The following ALG14 variants were observed in gnomAD, a reference collection of about 807,000 sequenced individuals.
The protein encoded by ALG14 is ALG14 UDP-N-acetylglucosaminyltransferase subunit, also known as UDP-N-acetylglucosamine transferase subunit ALG14.
ALG14 carries 17 observed loss-of-function variants against 22.8 expected under a neutral mutation model. The ratio of observed to expected loss-of-function variants is 0.75; its 90% CI spans 0.51 to 1.12. ALG14 has a LOEUF of 1.12. Among genes scored for constraint, ALG14 ranks in the 50% most tolerant of loss-of-function variants. The pLI is 0.00. For missense variants in ALG14, 288 were observed against 271.8 expected (o/e 1.06, Z -0.42); for synonymous variants, 89 against 103.7 (o/e 0.86, Z 0.86).
chr1:94,994,062 A>C lies in ALG14; in HGVS notation c.421-10756T>G, dbSNP rs192129417. Among the ~76,000 whole-genome samples, 4 of 152,328 alleles carry C rather than the reference A, an allele frequency of 2.6e-5. No homozygotes were observed. The East Asian group carries it at 7.7e-4, about 29-fold the overall frequency. ...AACAAATACATAAATAAAGACCTAAACATTTTTTTGGTTGGAATGGTCAGG... is the reference window on the plus strand; with the variant it reads ...AACAAATACATAAATAAAGACCTAACCATTTTTTTGGTTGGAATGGTCAGG... On this transcript the variant is annotated intron_variant, in intron 3 of 3. Transcript: ENST00000370205.
chr1:94,983,390 AGAGGGGATCT>A, intron 3 of ALG14, 84 bp from the exon 4 acceptor site: 1 of 1,091,108 alleles, frequency 9.2e-7, no homozygotes, highest in Non-Finnish European at 1.3e-6. Context: ...GCCTGATTTC[AGAGGGGATCT>A]GCTTATGATT....
intron 2 of ALG14, among the ~76,000 whole-genome samples, chr1:95,052,959 A>G (rs1426636275): frequency 1.3e-5 from 2 of 152,170 alleles, no homozygotes; most frequent in Non-Finnish European, 2.9e-5. Flanking sequence ...TAACACAAAC[A>G]GAAAGCAGCC....
At chr1:95,050,153 G>A (rs1466577998) in intron 2 of ALG14, among the ~76,000 whole-genome samples, 4 of 152,124 alleles carry the variant, frequency 2.6e-5, no homozygotes, top group Admixed American at 2.6e-4. Context: ...GAAGCGTTCC[G>A]AGCGATATGG....
rs1303689414 is a variant in ALG14, at chr1:94,982,310, G to A, written c.*766C>T. 1.3e-5 allele frequency: 2 copies of A among 152,030 alleles called. No homozygotes were observed. Among genetic ancestry groups the A allele is most frequent in the African/African-American group, 2.4e-5 (1 of 41,370 alleles). The allele number at this position is 152,030 out of a possible 1,614,324, so 9.4% of individuals were successfully genotyped here. A position where few individuals can be genotyped will look rare whatever the true frequency, so the allele number is the denominator to read the frequency against. On this transcript the variant is annotated 3_prime_UTR_variant, in exon 4 of 4. Coordinates refer to ENST00000370205, the MANE Select transcript of ALG14 (RefSeq NM_144988.4). ...CTGACTAATTTTTGTATTTTTAGTAGAGACAAGGTTTCACCATGTTGGTCA... is the reference window on the plus strand; with the variant it reads ...CTGACTAATTTTTGTATTTTTAGTAAAGACAAGGTTTCACCATGTTGGTCA...
intron 3 of ALG14, among the ~76,000 whole-genome samples, chr1:94,989,688 T>G (rs78047766): frequency 6.6e-6 from 1 of 152,224 alleles, no homozygotes; most frequent in South Asian, 2.1e-4. Flanking sequence ...TCTGTGGCCA[T>G]AGAATTTCAT....
At chr1:95,047,167 C>A (rs1489197631) in intron 2 of ALG14, among the ~76,000 whole-genome samples, 1 of 152,052 alleles carries the variant, frequency 6.6e-6, no homozygotes, top group Admixed American at 6.6e-5. Flanking sequence ...AAACACCCAA[C>A]ACTGTCTCTA....
At chr1:95,012,868 C>T (rs562345658) in intron 3 of ALG14, among the ~76,000 whole-genome samples, 80 of 152,206 alleles carry the variant, frequency 5.3e-4, no homozygotes, top group African/African-American at 1.9e-3. Flanking sequence ...CACGGTGGCT[C>T]GTGCCTGTAA....
At chr1:95,011,436 T>G (rs961066057) in intron 3 of ALG14, among the ~76,000 whole-genome samples, 2 of 151,892 alleles carry the variant, frequency 1.3e-5, no homozygotes, top group African/African-American at 4.8e-5. Context: ...CTTTCTTTTT[T>G]TTTTTTTGAG....
intron 2 of ALG14, among the ~76,000 whole-genome samples, chr1:95,050,506 C>T (rs183287530): frequency 2.0e-5 from 3 of 152,198 alleles, no homozygotes; most frequent in Admixed American, 2.0e-4. Context: ...CTTTATAACC[C>T]TCCTTCTATA....
At position 94,983,746 on chromosome 1, in the gene ALG14, AT is replaced by A. The variant is rs879267424; in HGVS notation, c.421-441del. 1,263 of 152,800 alleles carry A rather than the reference AT, an allele frequency of 8.3e-3. 1 individual carries two copies. The highest frequency in any genetic ancestry group is 0.02 in the Middle Eastern group (6 of 300). The allele number at this position is 152,800 out of a possible 1,614,324, so 9.5% of individuals were successfully genotyped here. ...AAAATATCTTTAATTGACTATGAAG[AT>A]TTTTTTTTTTTTGAGATGGAGTCTC... On this transcript the variant is annotated intron_variant, in intron 3 of 3. Transcript: ENST00000370205.
At chr1:95,020,633 G>T (rs1267761831) in intron 3 of ALG14, among the ~76,000 whole-genome samples, 2 of 151,500 alleles carry the variant, frequency 1.3e-5, no homozygotes, top group African/African-American at 2.4e-5. Flanking sequence ...AGCTACTTGG[G>T]AGGCTGAGGC....
At chr1:94,993,625 A>C (rs374709386) in intron 3 of ALG14, among the ~76,000 whole-genome samples, 1 of 152,104 alleles carries the variant, frequency 6.6e-6, no homozygotes, top group Non-Finnish European at 1.5e-5. Flanking sequence ...ACCATGGCCA[A>C]ATGGCCTTGA....
At chr1:95,030,511 T>TTTTTA (rs1673965298) in intron 2 of ALG14, among the ~76,000 whole-genome samples, 2 of 152,212 alleles carry the variant, frequency 1.3e-5, no homozygotes, top group Admixed American at 1.3e-4. Context: ...TCAATACCTA[T>TTTTTA]AATATTTTAT....
At position 94,979,999 on chromosome 1, in the gene ALG14, G is replaced by A. The variant is rs886771920; in HGVS notation, c.*3077C>T. On this transcript the variant is annotated 3_prime_UTR_variant, in exon 4 of 4. Coordinates refer to ENST00000370205, the MANE Select transcript of ALG14 (RefSeq NM_144988.4). ...TAACACTTACAATGATGTTCTTATT[G>A]TTGGTAAAAGGTGCTTAATACATTG... is the stretch of plus-strand genomic sequence containing the variant. 1 of 151,806 alleles carries A rather than the reference G, an allele frequency of 6.6e-6. No homozygotes were observed. The highest frequency in any genetic ancestry group is 1.5e-5 in the Non-Finnish European group (1 of 67,982). 9.4% of individuals were successfully genotyped at this position (151,806 alleles called of 1,614,324 possible). A position where few individuals can be genotyped will look rare whatever the true frequency, so the allele number is the denominator to read the frequency against.
At chr1:95,041,395 GAGGC>G (rs1674373858) in intron 2 of ALG14, 1 of 151,946 alleles carries the variant, frequency 6.6e-6, no homozygotes, top group South Asian at 2.1e-4. Flanking sequence ...AACTGATTGG[GAGGC>G]CAAGGCAGAA....
chr1:95,043,148 A>G (rs1363014645), intron 2 of ALG14, among the ~76,000 whole-genome samples: 1 of 152,124 alleles, frequency 6.6e-6, no homozygotes, highest in Non-Finnish European at 1.5e-5. Flanking sequence ...GTTTTCGTTT[A>G]AACTCCCCAC....
At chr1:94,992,972 G>A (rs999395293) in intron 3 of ALG14, among the ~76,000 whole-genome samples, 1 of 151,410 alleles carries the variant, frequency 6.6e-6, no homozygotes, top group Non-Finnish European at 1.5e-5. Flanking sequence ...AAACTTTAAG[G>A]GTACTGTGTG....
chr1:95,047,750 TAGG>T (rs1379891357), intron 2 of ALG14, among the ~76,000 whole-genome samples: 1 of 152,008 alleles, frequency 6.6e-6, no homozygotes, highest in Non-Finnish European at 1.5e-5. Flanking sequence ...GAAGCTCAGG[TAGG>T]AGAATTGCTT....
chr1:95,052,584 G>A (rs566936211), intron 2 of ALG14, among the ~76,000 whole-genome samples: 5 of 152,192 alleles, frequency 3.3e-5, no homozygotes, highest in South Asian at 4.2e-4. Flanking sequence ...GGGGCCAGGC[G>A]CAGTGGCTCA....
Sources: gnomAD v4.1 joint callset for allele counts (sites outside exome capture counted in the v4.1 genomes callset) on GRCh38, gnomAD v4.1.1 for gene constraint, MANE v1.5 for transcripts, NCBI Gene and HGNC (gene_info 2026-07-23, HGNC 2026-07-21) for gene names.